The following HSPA12A variants were observed in gnomAD, a reference collection of about 807,000 sequenced individuals.
HSPA12A encodes heat shock protein family A (Hsp70) member 12A, also known as heat shock 70 kDa protein 12A.
A neutral mutation model predicts 69.2 loss-of-function variants in HSPA12A; 28 were observed. That is an observed-to-expected ratio of 0.40 (90% CI 0.30 to 0.55). HSPA12A has a LOEUF of 0.55. Among genes scored for constraint, HSPA12A ranks in the 20% least tolerant of loss-of-function variants. The pLI is 0.38. For synonymous variants in HSPA12A, 345 were observed against 370.5 expected, an observed-to-expected ratio of 0.93 and a Z score of 0.79; for missense variants, 686 against 900.7, an observed-to-expected ratio of 0.76 and a Z score of 3.05.
At chr10:116,708,123 C>T (rs1418463579) in intron 1 of HSPA12A, 1 of 152,170 alleles carries the variant, frequency 6.6e-6, no homozygotes, top group East Asian at 1.9e-4. Context: ...GGAGAAAAAA[C>T]ACTCTCCCTG....
intron 4 of HSPA12A, among the ~76,000 whole-genome samples, chr10:116,700,439 G>A (rs1850048245): frequency 6.6e-6 from 1 of 152,138 alleles, no homozygotes. Context: ...TTGGGCACTT[G>A]ATGTCCTGAG....
intron 2 of HSPA12A, among the ~76,000 whole-genome samples, chr10:116,774,220 G>A (rs1301588698): frequency 5.9e-5 from 9 of 152,054 alleles, no homozygotes; most frequent in East Asian, 3.9e-4. Context: ...CGTTTTAGCC[G>A]GGATGGTCTC....
intron 2 of HSPA12A, among the ~76,000 whole-genome samples, chr10:116,790,938 G>A (rs928876806): frequency 5.9e-5 from 9 of 152,176 alleles, no homozygotes; most frequent in Admixed American, 3.9e-4. Flanking sequence ...TGATCCGCCC[G>A]CCTTGGCCTC....
In HSPA12A at chr10:116,765,264, G is replaced by A. The variant is rs144042986; in HGVS notation, c.92-57979C>T. Among the ~76,000 whole-genome samples, 465 of 152,276 alleles carry A rather than the reference G, an allele frequency of 3.1e-3. 1 individual carries two copies. The highest frequency in any genetic ancestry group is 3.6e-3 in the Non-Finnish European group (247 of 68,014). The stretch of plus-strand genomic sequence containing the variant: ...CACCCAAAAGCACATGGGCTCCTTG[G>A]TGATATAGCTGATTCCAGGACTAGG... On this transcript the variant is annotated intron_variant, in intron 2 of 12. Transcript: ENST00000635765.
Position 116,835,686 on chromosome 10 carries a change from C to T in HSPA12A, c.4-664G>A, listed in dbSNP as rs938522306. On this transcript the variant is annotated intron_variant, in intron 1 of 12. Transcript: ENST00000635765. ...CACCTGTGGATTTCTAGAAGCCCCA[C>T]GAACACTGGTGGGTACACAGTAGAT... Among the ~76,000 whole-genome samples the T allele has an allele frequency of 6.6e-5, 10 of 152,300 alleles. 1 individual carries two copies. In the South Asian group the frequency reaches 1.9e-3, roughly 28 times the overall value.
At chr10:116,802,703 G>C (rs916664863) in intron 2 of HSPA12A, among the ~76,000 whole-genome samples, 1 of 152,240 alleles carries the variant, frequency 6.6e-6, no homozygotes, top group Non-Finnish European at 1.5e-5. Context: ...GCTTATCCCA[G>C]AAGGCCACTG....
intron 3 of HSPA12A, 142 bp downstream of exon 3, chr10:116,705,009 C>T: frequency 3.2e-6 from 3 of 934,396 alleles, no homozygotes; most frequent in Non-Finnish European, 4.8e-6. Flanking sequence ...GGCTTGTCCC[C>T]AGTGGCATGG....
At chr10:116,816,087 T>C (rs1277343746) in intron 2 of HSPA12A, among the ~76,000 whole-genome samples, 3 of 152,118 alleles carry the variant, frequency 2.0e-5, no homozygotes, top group Admixed American at 6.5e-5. Context: ...AAACTGAGGC[T>C]TGGAGAAGGA....
chr10:116,741,666 G>A (rs1182290801), intron 1 of HSPA12A, among the ~76,000 whole-genome samples: 10 of 151,974 alleles, frequency 6.6e-5, no homozygotes, highest in African/African-American at 2.2e-4. Context: ...CCCCTTCCCC[G>A]TCCTCTCCGG....
chr10:116,754,625 C>T lies in HSPA12A; in HGVS notation c.92-47340G>A, dbSNP rs531031578. Among the ~76,000 whole-genome samples, 4 of 152,194 alleles carry T rather than the reference C, an allele frequency of 2.6e-5. No individual in the cohort carries two copies. The South Asian group carries it at 8.3e-4, about 32-fold the overall frequency. ...ATCTGTATCTCTCAGAGTCCAAGAA[C>T]TAAATACTCAAAAGTCACAAAGAAA... On this transcript the variant is annotated intron_variant, in intron 2 of 12. Transcript: ENST00000635765.
chr10:116,768,792 A>G (rs1554890053), intron 2 of HSPA12A, among the ~76,000 whole-genome samples: 1 of 152,108 alleles, frequency 6.6e-6, no homozygotes, highest in African/African-American at 2.4e-5. Flanking sequence ...GGTGTGAGCC[A>G]CTTAGCCCGG....
At chr10:116,729,307 T>C (rs968097138) in intron 1 of HSPA12A, among the ~76,000 whole-genome samples, 2 of 152,098 alleles carry the variant, frequency 1.3e-5, no homozygotes, top group Non-Finnish European at 2.9e-5. Flanking sequence ...GTCCCTCCCT[T>C]TGGGGCACGG....
chr10:116,841,035 C>T (rs1484259709), intron 1 of HSPA12A, among the ~76,000 whole-genome samples: 1 of 152,226 alleles, frequency 6.6e-6, no homozygotes, highest in Non-Finnish European at 1.5e-5. Context: ...TAGGCACACA[C>T]ACACACAAAT....
chr10:116,845,261 A>G (rs1845861113), intron 1 of HSPA12A, among the ~76,000 whole-genome samples: 1 of 152,216 alleles, frequency 6.6e-6, no homozygotes, highest in African/African-American at 2.4e-5. Context: ...ATATATAACT[A>G]CTATTACATT....
At chr10:116,824,551 A>G (rs1845464919) in intron 2 of HSPA12A, among the ~76,000 whole-genome samples, 1 of 152,240 alleles carries the variant, frequency 6.6e-6, no homozygotes, top group Admixed American at 6.5e-5. Context: ...ACAATGGAAT[A>G]TTATCATTAT....
At chr10:116,807,587 C>T (rs1589718385) in intron 2 of HSPA12A, among the ~76,000 whole-genome samples, 1 of 152,148 alleles carries the variant, frequency 6.6e-6, no homozygotes, top group Non-Finnish European at 1.5e-5. Context: ...AAGTCTACTC[C>T]TTCAGGCCAT....
chr10:116,704,174 G>A (rs879966463), intron 3 of HSPA12A, among the ~76,000 whole-genome samples: 4 of 152,064 alleles, frequency 2.6e-5, no homozygotes, highest in Non-Finnish European at 5.9e-5. Flanking sequence ...TGTTTATAGC[G>A]GCACTATTCA....
chr10:116,685,472 TA>T (rs1393852161), intron 6 of HSPA12A, among the ~76,000 whole-genome samples: 184 of 140,538 alleles, frequency 1.3e-3, no homozygotes, highest in Admixed American at 1.2e-3. Context: ...CCGTCTCTAC[TA>T]AAAAAAAAAA....
At position 116,674,922 on chromosome 10, in the gene HSPA12A, T is replaced by G; in HGVS notation, c.1887A>C (p.Thr629=). 1 of 1,614,126 alleles carries G rather than the reference T, an allele frequency of 6.2e-7. No individual in the cohort carries two copies. The highest frequency in any genetic ancestry group is 8.5e-7 in the Non-Finnish European group (1 of 1,180,028). Residue 629 remains threonine, a synonymous_variant, in exon 12 of 12, where the codon ACA becomes ACC. Coordinates refer to ENST00000369209, the MANE Select transcript of HSPA12A (RefSeq NM_025015.3). ...CGGGCACCGCAGTGCCACTGGTCCC[T>G]GTGAGATCCAGGCGGAGCGTGCCAC... ...KKCGTLRLDL[T]GTSGTAVPAR... is the part of the protein sequence containing the mutation.
Sources: allele counts gnomAD v4.1 joint callset (sites outside exome capture counted in the v4.1 genomes callset), GRCh38; gene constraint gnomAD v4.1.1; transcripts MANE v1.5; gene names NCBI Gene and HGNC (gene_info 2026-07-23, HGNC 2026-07-21).